ZDHHC6: variants seen among roughly 807,000 people sequenced by gnomAD.
The protein encoded by ZDHHC6 is palmitoyltransferase ZDHHC6.
Under a neutral mutation model 57.8 loss-of-function variants are expected in ZDHHC6, and 32 were observed. That is an observed-to-expected ratio of 0.55 (90% CI 0.42 to 0.74). The LOEUF (loss-of-function observed/expected upper bound fraction) is 0.74, where lower values mean the gene tolerates loss of function less well. Ranked by LOEUF, ZDHHC6 falls within the 30% of genes least tolerant of loss-of-function variation. ZDHHC6 has a pLI of 0.00. For synonymous variants in ZDHHC6, 128 were observed against 158.0 expected (o/e 0.81, Z 1.42); for missense variants, 433 against 500.7 (o/e 0.86, Z 1.29).
At chr10:112,424,517 T>G (rs1294584558) in exon 12 of ZDHHC6, 1 of 152,230 alleles carries the variant, frequency 6.6e-6, no homozygotes, top group Non-Finnish European at 1.5e-5. Context: ...AACACTCTAA[T>G]AAGCCTAGGA....
chr10:112,447,418 C>T (rs375200897), upstream of ZDHHC6: 11 of 1,613,582 alleles, frequency 6.8e-6, 1 homozygote, highest in African/African-American at 1.2e-4. Flanking sequence ...TCGCGGTGCT[C>T]ACTGCAGAGA....
At chr10:112,431,037 T>C in intron 10 of ZDHHC6, 130 bp from the exon 11 acceptor site, 1 of 721,670 alleles carries the variant, frequency 1.4e-6, no homozygotes, top group Non-Finnish European at 2.3e-6. Flanking sequence ...TTGCTATCTA[T>C]TATAAGCACA....
chr10:112,426,233 T>G, downstream of ZDHHC6: 1 of 1,593,120 alleles, frequency 6.3e-7, no homozygotes, highest in Non-Finnish European at 8.6e-7. Flanking sequence ...CTCATGCCCT[T>G]GCACCTTTTA....
At chr10:112,426,914 G>A, downstream of ZDHHC6, 1 of 1,405,300 alleles carries the variant, frequency 7.1e-7, no homozygotes, top group Admixed American at 1.7e-5. Flanking sequence ...TTTGTTTAAA[G>A]TTTCCATCTA....
At chr10:112,440,444 C>T in intron 5 of ZDHHC6, 90 bp downstream of exon 5, 3 of 1,339,274 alleles carry the variant, frequency 2.2e-6, no homozygotes, top group Admixed American at 2.4e-5. Context: ...CCATTTCATA[C>T]TGGACACTTA....
chr10:112,436,833 T>A (rs934888832), intron 6 of ZDHHC6, among the ~76,000 whole-genome samples: 2 of 152,204 alleles, frequency 1.3e-5, no homozygotes, highest in African/African-American at 4.8e-5. Context: ...CTCAAGGAGA[T>A]GTCCTTTATT....
At chr10:112,444,020 T>A (rs1846401933) in intron 2 of ZDHHC6, among the ~76,000 whole-genome samples, 1 of 152,214 alleles carries the variant, frequency 6.6e-6, no homozygotes. Context: ...TGGGCCATTT[T>A]AATCACTTCC....
downstream of ZDHHC6, chr10:112,426,321 G>A (rs963631287): frequency 6.2e-7 from 1 of 1,614,088 alleles, no homozygotes; most frequent in African/African-American, 1.3e-5. Context: ...AGCCAAGCTT[G>A]GGGTGAAGGG....
upstream of ZDHHC6, chr10:112,446,930 T>A (rs913970992): frequency 1.4e-5 from 3 of 211,418 alleles, no homozygotes; most frequent in African/African-American, 4.6e-5. Context: ...TCAGGCCCCC[T>A]GCGCAGTCTC....
chr10:112,443,854 G>C (rs1330151597), intron 2 of ZDHHC6, among the ~76,000 whole-genome samples: 1 of 152,126 alleles, frequency 6.6e-6, no homozygotes, highest in Non-Finnish European at 1.5e-5. Context: ...AGTGTCACTA[G>C]TTGGTTCTAC....
chr10:112,433,251 T>C lies in ZDHHC6; in HGVS notation c.934A>G (p.Arg312Gly), dbSNP rs1277416106. 18 of 1,593,114 alleles carry C rather than the reference T, an allele frequency of 1.1e-5. No individual in the cohort carries two copies. The highest frequency in any genetic ancestry group is 1.4e-5 in the Non-Finnish European group (16 of 1,171,996). ...AAAGAAGTACTTACACTTCTGACTC[T>C]CTTATCTGCTTTTTGTTTCAACTGT... is the stretch of plus-strand genomic sequence containing the variant. ...IEQLKQKADK[R>G]VRSVRYKVIE... The change falls in exon 8 of 11, where the codon AGA becomes GGA. Residue 312 changes from arginine to glycine, a missense_variant. Coordinates refer to ENST00000369405, the MANE Select transcript of ZDHHC6 (RefSeq NM_022494.3).
chr10:112,436,029 G>A lies in ZDHHC6; in HGVS notation c.736-1565C>T, dbSNP rs188731808. ...ACCTTAACTAAGTCTTGAGAAGCAA[G>A]AAATCAGGCAAAAAGAGAGGGAAGA... On this transcript the variant is annotated intron_variant, in intron 6 of 10. Coordinates refer to ENST00000369405, the MANE Select transcript of ZDHHC6 (RefSeq NM_022494.3). Among the ~76,000 whole-genome samples, 311 of 152,308 alleles carry A rather than the reference G, an allele frequency of 2.0e-3. 6 individuals carry two copies. The Middle Eastern group carries it at 0.041, about 20-fold the overall frequency.
At chr10:112,446,587 C>T (rs1846767197) in intron 1 of ZDHHC6, 118 bp downstream of exon 1, 1 of 152,146 alleles carries the variant, frequency 6.6e-6, no homozygotes, top group Admixed American at 6.5e-5. Flanking sequence ...AAATCCTCAC[C>T]CAAGGAAGAA....
intron 5 of ZDHHC6, 96 bp downstream of exon 5, chr10:112,440,438 T>A (rs1233759873): frequency 1.2e-5 from 15 of 1,293,156 alleles, no homozygotes; most frequent in Non-Finnish European, 1.6e-5. Flanking sequence ...TAATTTCCAT[T>A]TCATACTGGA....
intron 2 of ZDHHC6, among the ~76,000 whole-genome samples, chr10:112,444,088 A>G (rs1294360940): frequency 6.6e-6 from 1 of 152,122 alleles, no homozygotes; most frequent in Non-Finnish European, 1.5e-5. Context: ...TGTCAAAATA[A>G]TATTCCTATA....
intron 6 of ZDHHC6, among the ~76,000 whole-genome samples, chr10:112,435,902 T>C (rs1161313180): frequency 6.6e-6 from 1 of 152,092 alleles, no homozygotes; most frequent in East Asian, 1.9e-4. Flanking sequence ...TAAAAGGTGA[T>C]GAAGGGGTGT....
intron 6 of ZDHHC6, 125 bp downstream of exon 6, chr10:112,438,211 T>C: frequency 1.4e-5 from 9 of 635,308 alleles, no homozygotes; most frequent in African/African-American, 1.9e-5. Flanking sequence ...TTGGCAGCCA[T>C]GTTTTCACTT....
chr10:112,424,915 C>CATA (rs1844610930), exon 12 of ZDHHC6: 1 of 153,244 alleles, frequency 6.5e-6, no homozygotes, highest in Non-Finnish European at 1.5e-5. Flanking sequence ...AGGAGGAAAA[C>CATA]ATAACAGGGA....
intron 5 of ZDHHC6, 105 bp from the exon 6 acceptor site, chr10:112,438,494 C>T (rs1388018084): frequency 1.1e-6 from 1 of 898,986 alleles, no homozygotes; most frequent in Non-Finnish European, 1.5e-6. Context: ...ATTCCATAGA[C>T]AAAGATACCA....
Sources: allele counts gnomAD v4.1 joint callset (sites outside exome capture counted in the v4.1 genomes callset), GRCh38; gene constraint gnomAD v4.1.1; transcripts MANE v1.5; gene names NCBI Gene and HGNC (gene_info 2026-07-23, HGNC 2026-07-21).